CDC73: variants seen among roughly 807,000 people sequenced by gnomAD.
The protein encoded by CDC73 is parafibromin.
A neutral mutation model predicts 83.7 loss-of-function variants in CDC73; 21 were observed. The observed-to-expected ratio is 0.25, with a 90% CI of 0.18 to 0.36. The LOEUF (loss-of-function observed/expected upper bound fraction) is 0.36, where lower values mean the gene tolerates loss of function less well. CDC73 is among the 10% of genes least tolerant of loss of function. CDC73 has a pLI of 1.00. For missense variants in CDC73, 342 were observed against 653.3 expected, an observed-to-expected ratio of 0.52 and a Z score of 5.19; for synonymous variants, 224 against 212.9, an observed-to-expected ratio of 1.05 and a Z score of -0.45.
rs141405983 is a variant in CDC73 at position 193,239,574 on chromosome 1, G to C, written c.1417+3218G>C. Among the ~76,000 whole-genome samples, 11 of 151,956 alleles carry C rather than the reference G, an allele frequency of 7.2e-5. No individual in the cohort carries two copies. The East Asian group carries it at 1.4e-3, about 19-fold the overall frequency. Reference sequence around the variant, plus strand: ...ATTTTAGATATGTTATACTTGACGTGGCTATATTTATTTGTTGGTTGACAT... The same window carrying C: ...ATTTTAGATATGTTATACTTGACGTCGCTATATTTATTTGTTGGTTGACAT... On this transcript the variant is annotated intron_variant, in intron 15 of 16. Transcript: ENST00000367435.
Position 193,145,069 on chromosome 1 carries a change from G to C in CDC73, c.730-2798G>C, listed in dbSNP as rs1263195509. 2.0e-5 allele frequency among the ~76,000 whole-genome samples: 3 copies of C among 152,088 alleles called. No individual in the cohort carries two copies. In the East Asian group the frequency reaches 5.8e-4, roughly 29 times the overall value. On this transcript the variant is annotated intron_variant, in intron 7 of 16. Transcript: ENST00000367435. The stretch of plus-strand genomic sequence containing the variant: ...ATAATATTAACAAGTATAATTTGTT[G>C]ATACTGTATAATTAACCATGTTAAT...
chr1:193,215,900 C>A (rs1023665189), intron 13 of CDC73, among the ~76,000 whole-genome samples: 6 of 152,080 alleles, frequency 3.9e-5, no homozygotes, highest in African/African-American at 1.4e-4. Context: ...TCAAAAAATT[C>A]TTTGAAACAA....
At chr1:193,183,040 TATTAA>T (rs1676745070) in intron 10 of CDC73, among the ~76,000 whole-genome samples, 1 of 152,036 alleles carries the variant, frequency 6.6e-6, no homozygotes, top group South Asian at 2.1e-4. Context: ...TCATGGTTAA[TATTAA>T]ATTTGTTTAA....
rs748667010 is a variant in CDC73 at position 193,203,831 on chromosome 1, G to A, written c.1009G>A (p.Ala337Thr). ...TGCCCGGAAGACTCAGACTCCTGCA[G>A]CCCAGCCAGTACCAAGACCAGGTAG... Reference protein sequence around the residue: ...ASARKTQTPAAQPVPRPVSQA... With the variant: ...ASARKTQTPATQPVPRPVSQA... Residue 337 changes from alanine to threonine, a missense_variant, in exon 11 of 17, where the codon GCC (alanine) becomes ACC (threonine). By Grantham distance (58) the Ala-to-Thr change is moderately conservative. Around this residue, in one of 3 missense-constraint regions of CDC73, gnomAD observed 239 missense variants for 420.6 expected, o/e 0.57. Transcript: ENST00000367435. 2 of 1,613,790 alleles carry A rather than the reference G, an allele frequency of 1.2e-6. No individual in the cohort carries two copies. Among genetic ancestry groups the A allele is most frequent in the Admixed American group, 3.3e-5 (2 of 60,020 alleles).
intron 10 of CDC73, among the ~76,000 whole-genome samples, chr1:193,168,325 G>C (rs530769704): frequency 6.6e-6 from 1 of 152,300 alleles, no homozygotes; most frequent in African/African-American, 2.4e-5. Flanking sequence ...CTGTGTGCCT[G>C]CTGTATGCTA....
chr1:193,178,542 A>G (rs1421905962), intron 10 of CDC73, among the ~76,000 whole-genome samples: 5 of 152,200 alleles, frequency 3.3e-5, no homozygotes, highest in Non-Finnish European at 7.4e-5. Context: ...TGAAGCATAA[A>G]TCAGCATTAT....
chr1:193,129,487 A>AATTTATTTATTTATTTATTTATTT lies in CDC73; in HGVS notation c.238-673_238-650dup, dbSNP rs67384798. Among the ~76,000 whole-genome samples, 334 of 142,870 alleles carry AATTTATTTATTTATTTATTTATTT rather than the reference A, an allele frequency of 2.3e-3. 1 individual carries two copies. The highest frequency in any genetic ancestry group is 4.6e-3 in the Admixed American group (66 of 14,236). 93.7% of individuals were successfully genotyped at this position (142,870 alleles called of 152,430 possible). ...ATATCTTCCTGGAATTTCAAAAAGA[A>AATTTATTTATTTATTTATTTATTT]ATTTATTTATTTATTTATTTATTTA... On this transcript the variant is annotated intron_variant, in intron 2 of 16. Coordinates refer to ENST00000367435, the MANE Select transcript of CDC73 (RefSeq NM_024529.5).
At chr1:193,234,168 C>T (rs1046930068) in intron 14 of CDC73, among the ~76,000 whole-genome samples, 13 of 82,212 alleles carry the variant, frequency 1.6e-4, no homozygotes, top group Non-Finnish European at 2.2e-4. Context: ...CTCTCTCTCT[C>T]TCTCTCTCAC....
intron 13 of CDC73, among the ~76,000 whole-genome samples, chr1:193,224,661 A>T (rs1385160437): frequency 6.6e-6 from 1 of 152,180 alleles, no homozygotes. Flanking sequence ...GCATATACAC[A>T]TATATGAAAT....
intron 10 of CDC73, among the ~76,000 whole-genome samples, chr1:193,169,395 A>G (rs1482761800): frequency 6.6e-6 from 1 of 152,152 alleles, no homozygotes; most frequent in Non-Finnish European, 1.5e-5. Flanking sequence ...AAATACAAAA[A>G]TTAGCTGGGC....
chr1:193,200,225 A>G (rs1215967565), intron 10 of CDC73, among the ~76,000 whole-genome samples: 1 of 152,164 alleles, frequency 6.6e-6, no homozygotes, highest in African/African-American at 2.4e-5. Context: ...TTTTAAAAAA[A>G]AGTTTTCAAT....
intron 11 of CDC73, among the ~76,000 whole-genome samples, chr1:193,208,502 T>G (rs1677225619): frequency 6.6e-6 from 1 of 152,256 alleles, no homozygotes; most frequent in Non-Finnish European, 1.5e-5. Context: ...ACACATAGTT[T>G]GAGTAGCACC....
chr1:193,177,490 A>G (rs1455543442), intron 10 of CDC73, among the ~76,000 whole-genome samples: 2 of 148,938 alleles, frequency 1.3e-5, no homozygotes, highest in African/African-American at 4.9e-5. Flanking sequence ...AGATCGGGCC[A>G]CTGCACTCCA....
At chr1:193,175,173 A>G in intron 10 of CDC73, among the ~76,000 whole-genome samples, 1 of 152,212 alleles carries the variant, frequency 6.6e-6, no homozygotes, top group African/African-American at 2.4e-5. Context: ...CCATTGAAGC[A>G]GTGGGATGGC....
chr1:193,205,203 C>CG (rs1183996671), intron 11 of CDC73, among the ~76,000 whole-genome samples: 3 of 120,432 alleles, frequency 2.5e-5, no homozygotes, highest in African/African-American at 1.1e-4. Flanking sequence ...TGTCCCCCCC[C>CG]CCCCCTTTTT....
chr1:193,237,397 A>T (rs901993362), intron 15 of CDC73, among the ~76,000 whole-genome samples: 2 of 152,166 alleles, frequency 1.3e-5, no homozygotes, highest in Non-Finnish European at 2.9e-5. Flanking sequence ...TAGAAAAAAG[A>T]TGCAAACCTT....
intron 11 of CDC73, among the ~76,000 whole-genome samples, chr1:193,209,920 C>T (rs1677248443): frequency 6.6e-6 from 1 of 151,878 alleles, no homozygotes; most frequent in Non-Finnish European, 1.5e-5. Flanking sequence ...TTTTGTAGTT[C>T]CCTTTAGTCA....
At chr1:193,150,182 G>T (rs561739963) in intron 8 of CDC73, 122 bp from the exon 9 acceptor site, 6 of 707,858 alleles carry the variant, frequency 8.5e-6, no homozygotes, top group Middle Eastern at 2.9e-4. Flanking sequence ...GAGGTGGGAG[G>T]ATCACTTGGG....
chr1:193,253,014 C>CT lies in CDC73; in HGVS notation c.*2304dup, dbSNP rs1201560635. ...ATGGAAATGAAGTATAAATTAATAA[C>CT]TTGACTTACCCCTCCATAAGTTACT... On this transcript the variant is annotated 3_prime_UTR_variant, in exon 17 of 17. Coordinates refer to ENST00000367435, the MANE Select transcript of CDC73 (RefSeq NM_024529.5). The CT allele has an allele frequency of 8.6e-6, 2 of 231,828 alleles. No individual in the cohort carries two copies. The highest frequency in any genetic ancestry group is 8.5e-6 in the Non-Finnish European group (1 of 117,246). 14.4% of individuals were successfully genotyped at this position (231,828 alleles called of 1,614,324 possible). A position where few individuals can be genotyped will look rare whatever the true frequency, so the allele number is the denominator to read the frequency against.
Sources: allele counts gnomAD v4.1 joint callset (sites outside exome capture counted in the v4.1 genomes callset), GRCh38; gene constraint gnomAD v4.1.1; regional missense constraint gnomAD v4.1.1; transcripts MANE v1.5; gene names NCBI Gene and HGNC (gene_info 2026-07-23, HGNC 2026-07-21).